Variants in TCF7L1 observed in about 807,000 individuals in gnomAD.
The protein encoded by TCF7L1 is transcription factor 7-like 1.
A neutral mutation model predicts 63.7 loss-of-function variants in TCF7L1; 18 were observed. The ratio of observed to expected loss-of-function variants is 0.28; its 90% CI spans 0.20 to 0.42. The LOEUF is 0.42. TCF7L1 is among the 10% of genes least tolerant of loss of function. The probability of loss-of-function intolerance (pLI) is 1.00; values close to 1 mark genes in which losing one functional copy is unlikely to be tolerated. For synonymous variants in TCF7L1, 355 were observed against 340.9 expected, an observed-to-expected ratio of 1.04 and a Z score of -0.46; for missense variants, 654 against 779.3, an observed-to-expected ratio of 0.84 and a Z score of 1.91.
rs572327411 is a variant in TCF7L1 at position 85,187,406 on chromosome 2, G to A, written c.441+52956G>A. 3.3e-5 allele frequency among the ~76,000 whole-genome samples: 5 copies of A among 152,328 alleles called. No homozygotes were observed. The South Asian group carries it at 8.3e-4, about 25-fold the overall frequency. On this transcript the variant is annotated intron_variant, in intron 3 of 11. Transcript: ENST00000282111. ...GGTGTACCCAGAATTATAGAACTCA[G>A]ATGTCCTCATGTGCCCTGTGTTTCT...
At chr2:85,237,674 A>G (rs1022150717) in intron 3 of TCF7L1, among the ~76,000 whole-genome samples, 1 of 145,142 alleles carries the variant, frequency 6.9e-6, no homozygotes, top group Admixed American at 6.9e-5. Context: ...AGAGTGGAGA[A>G]GAGAGCATCT....
At chr2:85,250,463 G>A (rs1403818236) in intron 3 of TCF7L1, among the ~76,000 whole-genome samples, 1 of 151,526 alleles carries the variant, frequency 6.6e-6, no homozygotes, top group Non-Finnish European at 1.5e-5. Context: ...TTGAGACAGA[G>A]TCTCGCTCTG....
chr2:85,167,684 T>G (rs538386366), intron 3 of TCF7L1, among the ~76,000 whole-genome samples: 1 of 152,204 alleles, frequency 6.6e-6, no homozygotes, highest in South Asian at 2.1e-4. Flanking sequence ...GCCAACACAG[T>G]GAGACCCCGT....
chr2:85,243,888 T>A lies in TCF7L1; in HGVS notation c.442-39607T>A, dbSNP rs151158854. On this transcript the variant is annotated intron_variant, in intron 3 of 11. Transcript: ENST00000282111. Reference sequence around the variant, plus strand: ...CATTGTGAACAGCACCCCCTGGGGGTGGGAGATGTGGTGGGCGGAGTTCAG... The same window carrying A: ...CATTGTGAACAGCACCCCCTGGGGGAGGGAGATGTGGTGGGCGGAGTTCAG... Among the ~76,000 whole-genome samples the A allele has an allele frequency of 2.1e-3, 317 of 151,670 alleles. 2 individuals carry two copies. The highest frequency in any genetic ancestry group is 7.4e-3 in the African/African-American group (307 of 41,338).
At chr2:85,286,094 G>A (rs1197829293) in intron 4 of TCF7L1, among the ~76,000 whole-genome samples, 1 of 151,834 alleles carries the variant, frequency 6.6e-6, no homozygotes, top group Non-Finnish European at 1.5e-5. Flanking sequence ...AGGAGGCTGA[G>A]GCAGGAGAAT....
In TCF7L1 at chr2:85,241,431, G is replaced by GT. The variant is rs1273488175; in HGVS notation, c.442-42059dup. On this transcript the variant is annotated intron_variant, in intron 3 of 11. Transcript: ENST00000282111. Reference sequence around the variant, plus strand: ...TGATCCAGAGGACTGGATGCACTTTGTTTTTGTTTTTTTTTTTTTTTTTTT... The same window carrying GT: ...TGATCCAGAGGACTGGATGCACTTTGTTTTTTGTTTTTTTTTTTTTTTTTTT... Among the ~76,000 whole-genome samples, 321 of 68,742 alleles carry GT rather than the reference G, an allele frequency of 4.7e-3. 18 individuals are homozygous for GT. The highest frequency in any genetic ancestry group is 0.012 in the African/African-American group (223 of 19,228). 45.1% of individuals were successfully genotyped at this position (68,742 alleles called of 152,430 possible).
chr2:85,243,032 A>G (rs946755772), intron 3 of TCF7L1, among the ~76,000 whole-genome samples: 41 of 152,176 alleles, frequency 2.7e-4, no homozygotes, highest in Admixed American at 1.8e-3. Flanking sequence ...TAACTGTTCA[A>G]TTGGCTTCTA....
At chr2:85,158,136 C>T (rs1001793695) in intron 3 of TCF7L1, among the ~76,000 whole-genome samples, 2 of 152,116 alleles carry the variant, frequency 1.3e-5, no homozygotes, top group South Asian at 2.1e-4. Context: ...GGGCAGAAGG[C>T]GGGGCAGGGG....
intron 3 of TCF7L1, among the ~76,000 whole-genome samples, chr2:85,149,190 A>T (rs1677947807): frequency 6.6e-6 from 1 of 152,144 alleles, no homozygotes; most frequent in South Asian, 2.1e-4. Flanking sequence ...ATGGTTGTCA[A>T]TTCCCTTTGC....
intron 3 of TCF7L1, among the ~76,000 whole-genome samples, chr2:85,255,162 A>G (rs1680680539): frequency 6.6e-6 from 1 of 152,154 alleles, no homozygotes; most frequent in African/African-American, 2.4e-5. Context: ...GCCCCACGAC[A>G]CACCTCTTGA....
At chr2:85,154,115 T>A (rs1031878374) in intron 3 of TCF7L1, among the ~76,000 whole-genome samples, 2 of 152,250 alleles carry the variant, frequency 1.3e-5, no homozygotes, top group Non-Finnish European at 2.9e-5. Context: ...ACATTGAATC[T>A]GGCTCGCTGG....
intron 3 of TCF7L1, among the ~76,000 whole-genome samples, chr2:85,240,164 G>T (rs1203428189): frequency 1.3e-5 from 2 of 152,180 alleles, no homozygotes; most frequent in Non-Finnish European, 2.9e-5. Context: ...GGGCTCCATA[G>T]CCACATGTGG....
chr2:85,268,449 A>G (rs2104353383), intron 3 of TCF7L1, among the ~76,000 whole-genome samples: 1 of 151,450 alleles, frequency 6.6e-6, no homozygotes, highest in East Asian at 1.9e-4. Flanking sequence ...TGGGGACCCA[A>G]AGGGCGAATA....
intron 3 of TCF7L1, among the ~76,000 whole-genome samples, chr2:85,149,489 A>C (rs1677960278): frequency 6.6e-6 from 1 of 152,156 alleles, no homozygotes. Flanking sequence ...AATAGCACAA[A>C]TAATTCCCTT....
chr2:85,143,217 C>A (rs1426977656), intron 3 of TCF7L1, among the ~76,000 whole-genome samples: 2 of 152,138 alleles, frequency 1.3e-5, no homozygotes, highest in African/African-American at 4.8e-5. Context: ...CAAGTGTTCA[C>A]CCTAATTGTA....
chr2:85,136,223 A>G (rs1355551999), intron 3 of TCF7L1, among the ~76,000 whole-genome samples: 1 of 152,170 alleles, frequency 6.6e-6, no homozygotes, highest in Non-Finnish European at 1.5e-5. Flanking sequence ...GGCTCCCTCA[A>G]GGCTATTTCT....
intron 3 of TCF7L1, among the ~76,000 whole-genome samples, chr2:85,186,190 A>G (rs1678918589): frequency 6.6e-6 from 1 of 152,074 alleles, no homozygotes; most frequent in Non-Finnish European, 1.5e-5. Flanking sequence ...GATGGTCTCA[A>G]TCTCCTGACC....
intron 4 of TCF7L1, among the ~76,000 whole-genome samples, chr2:85,298,014 G>C (rs1481607552): frequency 6.6e-6 from 1 of 150,862 alleles, no homozygotes; most frequent in Non-Finnish European, 1.5e-5. Context: ...ATGGAGTGCA[G>C]TGGTGCGATC....
chr2:85,257,438 A>G (rs913636355), intron 3 of TCF7L1, among the ~76,000 whole-genome samples: 1 of 152,182 alleles, frequency 6.6e-6, no homozygotes, highest in Non-Finnish European at 1.5e-5. Context: ...GAGCTCCCAC[A>G]CCGCTGTTTG....
Sources: gnomAD v4.1 joint callset for allele counts (sites outside exome capture counted in the v4.1 genomes callset) on GRCh38, gnomAD v4.1.1 for gene constraint, MANE v1.5 for transcripts, NCBI Gene and HGNC (gene_info 2026-07-23, HGNC 2026-07-21) for gene names.